The following PRELID2 variants were observed in gnomAD, a reference collection of about 807,000 sequenced individuals.
PRELID2 encodes the protein PRELI domain containing 2.
In PRELID2, 25 loss-of-function variants were observed where a neutral mutation model predicts 28.4. The ratio of observed to expected loss-of-function variants is 0.88; its 90% CI spans 0.64 to 1.23. PRELID2 has a LOEUF of 1.23. Among genes scored for constraint, PRELID2 ranks in the 50% most tolerant of loss-of-function variants. The pLI is 0.00. For synonymous variants in PRELID2, 76 were observed against 71.6 expected, an observed-to-expected ratio of 1.06 and a Z score of -0.31; for missense variants, 201 against 214.4, an observed-to-expected ratio of 0.94 and a Z score of 0.39.
intron 4 of PRELID2, among the ~76,000 whole-genome samples, chr5:145,797,773 T>A (rs1289300113): frequency 6.6e-6 from 1 of 151,966 alleles, no homozygotes; most frequent in Non-Finnish European, 1.5e-5. Flanking sequence ...GAAGTGGCTG[T>A]TTTTTTATAT....
At chr5:145,290,204 G>T in the PRELID2 span, among the ~76,000 whole-genome samples, 1 of 152,044 alleles carries the variant, frequency 6.6e-6, no homozygotes, top group African/African-American at 2.4e-5. Flanking sequence ...ATTCCTCAAG[G>T]ATCTAGAACT....
the PRELID2 span, among the ~76,000 whole-genome samples, chr5:145,330,412 T>G: frequency 6.6e-6 from 1 of 152,196 alleles, no homozygotes. Context: ...CTGAGCTATA[T>G]TTGGTTGGTA....
chr5:145,549,149 A>T (rs1208468449), intron 1 of PRELID2, among the ~76,000 whole-genome samples: 1 of 152,196 alleles, frequency 6.6e-6, no homozygotes, highest in African/African-American at 2.4e-5. Flanking sequence ...AGCTCTCTCT[A>T]GAGCTGTCAC....
chr5:145,503,450 A>G (rs1752377281), intron 1 of PRELID2, among the ~76,000 whole-genome samples: 1 of 152,204 alleles, frequency 6.6e-6, no homozygotes, highest in Non-Finnish European at 1.5e-5. Flanking sequence ...AACAATAGTC[A>G]TGATAATACG....
In PRELID2 at chr5:145,629,569, A is replaced by AG. The variant is rs557216054; in HGVS notation, n.70+135361_70+135362insC. ...TGTGAAAACCACAATGATGATAATA[A>AG]CAATTATAACAAGTATGGAGGCTTA... On this transcript the variant is annotated intron_variant and non_coding_transcript_variant, in intron 1 of 2. Coordinates refer to the PRELID2 transcript ENST00000510259. Among the ~76,000 whole-genome samples, 195 of 152,308 alleles carry AG rather than the reference A, an allele frequency of 1.3e-3. 2 individuals are homozygous for AG. The highest frequency in any genetic ancestry group is 4.6e-3 in the African/African-American group (191 of 41,548).
rs148194664 is a variant in PRELID2, at chr5:145,713,350, T to TTATATATATATATATATATATATATATA, written n.70+51580_70+51581insTATATATATATATATATATATATATATA. Among the ~76,000 whole-genome samples the TTATATATATATATATATATATATATATA allele has an allele frequency of 3.2e-3, 402 of 124,484 alleles. 7 individuals are homozygous for TTATATATATATATATATATATATATATA. The highest frequency in any genetic ancestry group is 8.1e-3 in the South Asian group (30 of 3,696). The allele number at this position is 124,484 out of a possible 152,430, so 81.7% of individuals were successfully genotyped here. A position where few individuals can be genotyped will look rare whatever the true frequency, so the allele number is the denominator to read the frequency against. On this transcript the variant is annotated intron_variant and non_coding_transcript_variant, in intron 1 of 2. Transcript: ENST00000510259. ...AGAACTCTAAGAATGATATCTGACT[T>TTATATATATATATATATATATATATATA]TATATATATATATATATATACTTTA...
At chr5:145,509,209 T>C (rs1213906178) in intron 1 of PRELID2, among the ~76,000 whole-genome samples, 2 of 152,206 alleles carry the variant, frequency 1.3e-5, no homozygotes, top group Non-Finnish European at 2.9e-5. Flanking sequence ...GTTGAATATG[T>C]ACTGTGAGTC....
chr5:145,448,900 G>A, the PRELID2 span, among the ~76,000 whole-genome samples: 1 of 152,156 alleles, frequency 6.6e-6, no homozygotes, highest in Non-Finnish European at 1.5e-5. Flanking sequence ...ATAGAGTACT[G>A]TATTTGAAAG....
intron 1 of PRELID2, among the ~76,000 whole-genome samples, chr5:145,706,778 T>A (rs1410665081): frequency 6.6e-6 from 1 of 152,230 alleles, no homozygotes; most frequent in Non-Finnish European, 1.5e-5. Flanking sequence ...GTCTTCATGT[T>A]ACCTATGAAA....
At chr5:145,746,810 G>A (rs1757003105) in intron 1 of PRELID2, among the ~76,000 whole-genome samples, 1 of 152,072 alleles carries the variant, frequency 6.6e-6, no homozygotes, top group Admixed American at 6.6e-5. Context: ...AAATGCAAAA[G>A]AATGGAAATC....
At chr5:145,768,068 T>C (rs1030151063) in intron 5 of PRELID2, among the ~76,000 whole-genome samples, 2 of 151,806 alleles carry the variant, frequency 1.3e-5, no homozygotes, top group South Asian at 4.2e-4. Flanking sequence ...CTACTAAAAA[T>C]ACAAAAGTTA....
rs10555229 is a variant in PRELID2 at position 145,800,301 on chromosome 5, T to TACACACACACAC, written c.369-3766_369-3755dup. On this transcript the variant is annotated intron_variant, in intron 4 of 6. Coordinates refer to ENST00000683046, the MANE Select transcript of PRELID2 (RefSeq NM_205846.3). ...CCCCTTCCCTTTCCTCCCCTTCTCTTACACACACACACACACACACACACA... is the reference window on the plus strand; with the variant it reads ...CCCCTTCCCTTTCCTCCCCTTCTCTTACACACACACACACACACACACACACACACACACACA... Among the ~76,000 whole-genome samples, 41 of 138,562 alleles carry TACACACACACAC rather than the reference T, an allele frequency of 3.0e-4. No homozygotes were observed. In the East Asian group the frequency reaches 7.7e-3, roughly 26 times the overall value. The allele number at this position is 138,562 out of a possible 152,430, so 90.9% of individuals were successfully genotyped here.
the PRELID2 span, among the ~76,000 whole-genome samples, chr5:145,407,654 G>T: frequency 6.6e-6 from 1 of 152,158 alleles, no homozygotes; most frequent in Non-Finnish European, 1.5e-5. Context: ...TCCTGTAGCT[G>T]CTGCTCTCTT....
the PRELID2 span, among the ~76,000 whole-genome samples, chr5:145,374,802 A>G: frequency 6.6e-6 from 1 of 152,004 alleles, no homozygotes; most frequent in African/African-American, 2.4e-5. Flanking sequence ...TGTTTCATGA[A>G]GTTCTTGTTC....
In PRELID2 at chr5:145,701,113, G is replaced by A. The variant is rs142085593; in HGVS notation, n.70+63818C>T. On this transcript the variant is annotated intron_variant and non_coding_transcript_variant, in intron 1 of 2. Coordinates refer to the PRELID2 transcript ENST00000510259. ...TGGATGGCAATTCCAAGAGAGAAGA[G>A]TACTTTTTGAGAGTCCTATAATTAC... Among the ~76,000 whole-genome samples the A allele has an allele frequency of 2.9e-3, 445 of 152,294 alleles. 3 individuals are homozygous for A. The highest frequency in any genetic ancestry group is 0.01 in the African/African-American group (434 of 41,564).
intron 1 of PRELID2, among the ~76,000 whole-genome samples, chr5:145,686,470 G>A (rs890658133): frequency 6.6e-6 from 1 of 152,054 alleles, no homozygotes; most frequent in African/African-American, 2.4e-5. Flanking sequence ...CAGGGGAAGG[G>A]TCTTTCCCCA....
At chr5:145,796,355 T>C in intron 5 of PRELID2, 87 bp downstream of exon 5, 1 of 703,554 alleles carries the variant, frequency 1.4e-6, no homozygotes, top group African/African-American at 1.8e-5. Flanking sequence ...TCTCATTATG[T>C]CTGCTCATGA....
At chr5:145,269,665 A>G in the PRELID2 span, among the ~76,000 whole-genome samples, 1 of 151,312 alleles carries the variant, frequency 6.6e-6, no homozygotes, top group African/African-American at 2.4e-5. Context: ...CTTCTGGTAA[A>G]CAAAAGACAC....
chr5:145,671,398 T>C (rs1429335890), intron 1 of PRELID2, among the ~76,000 whole-genome samples: 22 of 152,140 alleles, frequency 1.4e-4, no homozygotes, highest in Admixed American at 1.4e-3. Context: ...CTAGATTAGA[T>C]TCTCTGAATT....
Sources: allele counts gnomAD v4.1 joint callset (sites outside exome capture counted in the v4.1 genomes callset), GRCh38; gene constraint gnomAD v4.1.1; transcripts MANE v1.5; gene names NCBI Gene and HGNC (gene_info 2026-07-23, HGNC 2026-07-21).